Variants in ADGRL2 observed in about 807,000 individuals in gnomAD.
The protein encoded by ADGRL2 is adhesion G protein-coupled receptor L2.
A neutral mutation model predicts 157.4 loss-of-function variants in ADGRL2; 44 were observed. The observed-to-expected ratio is 0.28, with a 90% CI of 0.22 to 0.36. ADGRL2 has a LOEUF of 0.36. ADGRL2 is among the 10% of genes least tolerant of loss of function. The pLI is 1.00. For missense variants in ADGRL2, 1,510 were observed against 1,768.9 expected, an observed-to-expected ratio of 0.85 and a Z score of 2.63; for synonymous variants, 585 against 624.7, an observed-to-expected ratio of 0.94 and a Z score of 0.95.
At chr1:81,752,641 A>T (rs2149271605) in intron 1 of ADGRL2, among the ~76,000 whole-genome samples, 1 of 152,220 alleles carries the variant, frequency 6.6e-6, no homozygotes, top group Non-Finnish European at 1.5e-5. Context: ...CTGCCACCTT[A>T]GCCTCCTGAG....
At chr1:81,785,707 G>A (rs751295479) in intron 2 of ADGRL2, among the ~76,000 whole-genome samples, 20 of 151,950 alleles carry the variant, frequency 1.3e-4, no homozygotes, top group African/African-American at 3.6e-4. Flanking sequence ...TAGCCTGAGC[G>A]ACAAAGTGAG....
chr1:81,567,808 A>G (rs6665761), intron 2 of ADGRL2, among the ~76,000 whole-genome samples: 3,572 of 152,200 alleles, frequency 0.023, 144 homozygotes, highest in African/African-American at 0.082. Context: ...AAACTAGCTG[A>G]TAGAGTAGGA....
intron 2 of ADGRL2, among the ~76,000 whole-genome samples, chr1:81,530,371 G>C (rs938481998): frequency 7.2e-5 from 11 of 151,954 alleles, no homozygotes; most frequent in African/African-American, 2.7e-4. Context: ...TTTTGAGACA[G>C]GGTCTGGCTC....
chr1:81,927,562 T>A (rs946107991), intron 3 of ADGRL2, among the ~76,000 whole-genome samples: 1 of 151,972 alleles, frequency 6.6e-6, no homozygotes, highest in East Asian at 1.9e-4. Flanking sequence ...TGCTAGAGAT[T>A]CTGAAACTAA....
intron 1 of ADGRL2, among the ~76,000 whole-genome samples, chr1:81,433,704 G>A (rs2077361998): frequency 6.6e-6 from 1 of 152,140 alleles, no homozygotes; most frequent in African/African-American, 2.4e-5. Context: ...ATTCTTTGCT[G>A]CATAATAAAG....
chr1:81,747,143 A>ATATACG (rs2085311008), intron 1 of ADGRL2, among the ~76,000 whole-genome samples: 1 of 139,648 alleles, frequency 7.2e-6, no homozygotes, highest in Non-Finnish European at 1.5e-5. Flanking sequence ...ATATGTATAC[A>ATATACG]TATATACGTA....
chr1:81,970,250 T>G, intron 15 of ADGRL2, 64 bp from the exon 16 acceptor site: 1 of 1,055,526 alleles, frequency 9.5e-7, no homozygotes, highest in Admixed American at 1.7e-5. Flanking sequence ...TATTTTATAA[T>G]TTTGGAGTGG....
At chr1:81,387,601 G>C (rs1475263347) in intron 1 of ADGRL2, among the ~76,000 whole-genome samples, 1 of 152,084 alleles carries the variant, frequency 6.6e-6, no homozygotes, top group Non-Finnish European at 1.5e-5. Context: ...AACTAAACAA[G>C]GGAGTTTACC....
At chr1:81,503,640 C>CG (rs1385464600) in intron 2 of ADGRL2, among the ~76,000 whole-genome samples, 1 of 151,918 alleles carries the variant, frequency 6.6e-6, no homozygotes, top group African/African-American at 2.4e-5. Context: ...TGCTGTACTC[C>CG]GGGGGCAGGG....
At position 81,550,826 on chromosome 1, in the gene ADGRL2, GA is replaced by G. The variant is rs75371906; in HGVS notation, c.-247-30035del. On this transcript the variant is annotated intron_variant, in intron 2 of 24. Coordinates refer to the ADGRL2 transcript ENST00000370721. ...TGCTTTCCGTTCTACCCTCTTTACA[GA>G]AAAAAAAAAAAAAATTCATTACTGC... Among the ~76,000 whole-genome samples the G allele has an allele frequency of 5.2e-3, 716 of 136,672 alleles. 5 individuals are homozygous for G. Among genetic ancestry groups the G allele is most frequent in the African/African-American group, 0.013 (490 of 37,138 alleles). 89.7% of individuals were successfully genotyped at this position (136,672 alleles called of 152,430 possible). A position where few individuals can be genotyped will look rare whatever the true frequency, so the allele number is the denominator to read the frequency against.
intron 1 of ADGRL2, among the ~76,000 whole-genome samples, chr1:81,412,798 T>C (rs1422184299): frequency 6.6e-6 from 1 of 152,196 alleles, no homozygotes; most frequent in Admixed American, 6.5e-5. Context: ...ATAAGTGACA[T>C]ACACATAGGA....
intron 2 of ADGRL2, among the ~76,000 whole-genome samples, chr1:81,873,804 CA>C (rs1571838450): frequency 6.6e-6 from 1 of 152,120 alleles, no homozygotes; most frequent in East Asian, 1.9e-4. Flanking sequence ...CCAACAAACA[CA>C]TCCAAAGTGC....
intron 1 of ADGRL2, among the ~76,000 whole-genome samples, chr1:81,367,653 A>G (rs530253555): frequency 6.6e-6 from 1 of 152,204 alleles, no homozygotes; most frequent in South Asian, 2.1e-4. Flanking sequence ...CCCGGTTTCA[A>G]GCAATTCTCC....
In ADGRL2 at chr1:81,486,101, A is replaced by G. The variant is rs571237114; in HGVS notation, c.-248+41012A>G. Among the ~76,000 whole-genome samples the G allele has an allele frequency of 1.6e-4, 24 of 152,334 alleles. No homozygotes were observed. The East Asian group carries it at 2.7e-3, about 17-fold the overall frequency. On this transcript the variant is annotated intron_variant, in intron 2 of 24. Coordinates refer to the ADGRL2 transcript ENST00000370721. ...ACAAAAGGAAGGGATTGTAATTTGTAAGAGGAGTTTGGTTTTCAAAACAAG... is the reference window on the plus strand; with the variant it reads ...ACAAAAGGAAGGGATTGTAATTTGTGAGAGGAGTTTGGTTTTCAAAACAAG...
chr1:81,686,182 T>G (rs2148972233), intron 3 of ADGRL2, among the ~76,000 whole-genome samples: 1 of 152,306 alleles, frequency 6.6e-6, no homozygotes, highest in African/African-American at 2.4e-5. Context: ...CTTCTTTCTC[T>G]ATCTTGTGGA....
intron 11 of ADGRL2, among the ~76,000 whole-genome samples, chr1:81,962,330 TTTA>T (rs1217937252): frequency 1.3e-5 from 2 of 152,136 alleles, no homozygotes; most frequent in Non-Finnish European, 2.9e-5. Flanking sequence ...CTCCTATGAA[TTTA>T]TTGTTTACAA....
At chr1:81,552,653 A>G (rs1233093901) in intron 2 of ADGRL2, among the ~76,000 whole-genome samples, 3 of 151,866 alleles carry the variant, frequency 2.0e-5, no homozygotes, top group African/African-American at 7.3e-5. Flanking sequence ...AACCCCCCAA[A>G]AAACCATGAG....
Position 81,746,582 on chromosome 1 carries a change from C to T in ADGRL2, c.-142-15229C>T, listed in dbSNP as rs531473260. 1.1e-4 allele frequency among the ~76,000 whole-genome samples: 16 copies of T among 152,150 alleles called. 1 individual carries two copies. In the East Asian group the frequency reaches 1.2e-3, roughly 11 times the overall value. ...TAGGATTACTGGGTGTGAGCCACCA[C>T]GCCCAGCTGTAACAAATATATTTAA... is the stretch of plus-strand genomic sequence containing the variant. On this transcript the variant is annotated intron_variant, in intron 1 of 20. Coordinates refer to the ADGRL2 transcript ENST00000359929.
intron 1 of ADGRL2, among the ~76,000 whole-genome samples, chr1:81,437,700 T>G (rs1236016172): frequency 6.6e-6 from 1 of 152,202 alleles, no homozygotes; most frequent in East Asian, 1.9e-4. Context: ...GAGGCCACAG[T>G]AAAACTCAAG....
Sources: gnomAD v4.1 joint callset for allele counts (sites outside exome capture counted in the v4.1 genomes callset) on GRCh38, gnomAD v4.1.1 for gene constraint, MANE v1.5 for transcripts, NCBI Gene and HGNC (gene_info 2026-07-23, HGNC 2026-07-21) for gene names.